PACSIN1: variants seen among roughly 807,000 people sequenced by gnomAD.
PACSIN1 encodes the protein protein kinase C and casein kinase substrate in neurons 1.
A neutral mutation model predicts 59.5 loss-of-function variants in PACSIN1; 15 were observed. That is an observed-to-expected ratio of 0.25 (90% CI 0.17 to 0.39). The LOEUF (loss-of-function observed/expected upper bound fraction) is 0.39, where lower values mean the gene tolerates loss of function less well. PACSIN1 is among the 10% of genes least tolerant of loss of function. The pLI is 1.00. For synonymous variants in PACSIN1, 210 were observed against 220.6 expected (o/e 0.95, Z 0.42); for missense variants, 420 against 580.2 (o/e 0.72, Z 2.84).
In PACSIN1 at chr6:34,514,171, C is replaced by G. The variant is rs958250301; in HGVS notation, c.-63-12072C>G. 2.6e-5 allele frequency among the ~76,000 whole-genome samples: 4 copies of G among 152,074 alleles called. No homozygotes were observed. Among genetic ancestry groups the G allele is most frequent in the African/African-American group, 9.7e-5 (4 of 41,396 alleles). On this transcript the variant is annotated intron_variant, in intron 1 of 9. Coordinates refer to ENST00000244458, the MANE Select transcript of PACSIN1 (RefSeq NM_020804.5). This position sits in a 1 kb window ranked among gnomAD's most constrained non-coding sequence, Gnocchi z 4.4. ...TATCTGTAAGTGTGTTGTTGGGGTGCACATGTCCTGGACACACGAGTGCTT... is the reference window on the plus strand; with the variant it reads ...TATCTGTAAGTGTGTTGTTGGGGTGGACATGTCCTGGACACACGAGTGCTT...
intron 1 of PACSIN1, among the ~76,000 whole-genome samples, chr6:34,484,351 A>T (rs532332126): frequency 1.3e-4 from 20 of 152,222 alleles, no homozygotes; most frequent in Non-Finnish European, 1.5e-5. Context: ...CCAATATGAA[A>T]AGGCCTCACA....
At chr6:34,512,401 C>T (rs1171711812) in intron 1 of PACSIN1, among the ~76,000 whole-genome samples, 1 of 152,038 alleles carries the variant, frequency 6.6e-6, no homozygotes, top group Admixed American at 6.5e-5. Flanking sequence ...GGATGGAGCC[C>T]GGCTCTTTAA....
chr6:34,485,155 C>A lies in PACSIN1; in HGVS notation c.-64+18885C>A, dbSNP rs531253456. 9.9e-5 allele frequency: 15 copies of A among 152,100 alleles called. No homozygotes were observed. In the East Asian group the frequency reaches 2.7e-3, roughly 27 times the overall value. The allele number at this position is 152,100 out of a possible 1,614,324, so 9.4% of individuals were successfully genotyped here. A position where few individuals can be genotyped will look rare whatever the true frequency, so the allele number is the denominator to read the frequency against. ...CCTGTTCTCAGATTGGTGAGTCACT[C>A]GCTGGAGGGTTTCAGCAGGTGTGTG... On this transcript the variant is annotated intron_variant, in intron 1 of 9. Transcript: ENST00000244458.
chr6:34,478,779 C>T (rs1035080004), intron 1 of PACSIN1, among the ~76,000 whole-genome samples: 7 of 152,120 alleles, frequency 4.6e-5, no homozygotes. Context: ...ATAGGTTGTA[C>T]ATTTGTCTTA....
intron 1 of PACSIN1, among the ~76,000 whole-genome samples, chr6:34,483,538 C>G (rs1273255138): frequency 6.6e-6 from 1 of 151,690 alleles, no homozygotes; most frequent in Non-Finnish European, 1.5e-5. Flanking sequence ...CCCAGCTGGG[C>G]ACATGAGCTC....
At chr6:34,485,990 C>T (rs1024010123) in intron 1 of PACSIN1, among the ~76,000 whole-genome samples, 2 of 152,108 alleles carry the variant, frequency 1.3e-5, no homozygotes, top group African/African-American at 2.4e-5. Context: ...GCAACGTGGG[C>T]GGCACTGGGT....
chr6:34,520,030 G>A (rs1767360622), intron 1 of PACSIN1, among the ~76,000 whole-genome samples: 1 of 152,144 alleles, frequency 6.6e-6, no homozygotes, highest in African/African-American at 2.4e-5. Context: ...ACTTCTTGGA[G>A]GGACAGGGAC....
In PACSIN1 at chr6:34,529,299, C is replaced by T; in HGVS notation, c.457-98C>T. 2 of 1,327,898 alleles carry T rather than the reference C, an allele frequency of 1.5e-6. No individual in the cohort carries two copies. Among genetic ancestry groups the T allele is most frequent in the Admixed American group, 2.0e-5 (1 of 49,614 alleles). 82.3% of individuals were successfully genotyped at this position (1,327,898 alleles called of 1,614,324 possible). ...TCTGGCTCTTAAGAGTGTGGGCTCA[C>T]AGGTCCCAGGGAGTGGGCAGGGGAG... On this transcript the variant is annotated intron_variant, in intron 4 of 9. Coordinates refer to ENST00000244458, the MANE Select transcript of PACSIN1 (RefSeq NM_020804.5). This position sits in a 1 kb window ranked among gnomAD's most constrained non-coding sequence, Gnocchi z 6.3.
In PACSIN1 at chr6:34,477,961, C is replaced by T. The variant is rs534892100; in HGVS notation, c.-64+11691C>T. Among the ~76,000 whole-genome samples the T allele has an allele frequency of 4.7e-5, 7 of 150,290 alleles. No individual in the cohort carries two copies. The East Asian group carries it at 9.8e-4, about 21-fold the overall frequency. On this transcript the variant is annotated intron_variant, in intron 1 of 9. Transcript: ENST00000244458. ...AGAGACAGGGTCTTCCCATGTTGCC[C>T]GGGCTGGTCTTCAACTCCTGGGCTC...
rs867911000 is a variant in PACSIN1 at position 34,515,868 on chromosome 6, G to A, written c.-63-10375G>A. Among the ~76,000 whole-genome samples the A allele has an allele frequency of 6.6e-6, 1 of 152,136 alleles. No homozygotes were observed. Among genetic ancestry groups the A allele is most frequent in the African/African-American group, 2.4e-5 (1 of 41,420 alleles). The stretch of plus-strand genomic sequence containing the variant: ...GGAGCTCTTGGGCACTGCCACTGCG[G>A]AGGAGCCTCTGCCAGCTGCTCAGGA... On this transcript the variant is annotated intron_variant, in intron 1 of 9. Transcript: ENST00000244458. This position sits in a 1 kb window ranked among gnomAD's most constrained non-coding sequence, Gnocchi z 4.4.
chr6:34,480,420 C>T (rs572653969), intron 1 of PACSIN1, among the ~76,000 whole-genome samples: 10 of 150,878 alleles, frequency 6.6e-5, no homozygotes, highest in African/African-American at 2.4e-4. Context: ...AGATGGGGCG[C>T]TCCCTATTTT....
chr6:34,479,625 A>G (rs1469936961), intron 1 of PACSIN1, among the ~76,000 whole-genome samples: 5 of 151,290 alleles, frequency 3.3e-5, no homozygotes, highest in Non-Finnish European at 7.4e-5. Context: ...TTTTTATTTT[A>G]TTTTATTTTT....
At chr6:34,527,653 C>A in intron 3 of PACSIN1, 165 bp downstream of exon 3, 1 of 445,284 alleles carries the variant, frequency 2.2e-6, no homozygotes, top group Non-Finnish European at 3.8e-6. Context: ...CCTACCTGTT[C>A]ATCTCTATTT....
In PACSIN1 at chr6:34,529,893, T is replaced by G; in HGVS notation, c.788+52T>G. 5 of 1,570,762 alleles carry G rather than the reference T, an allele frequency of 3.2e-6. No individual in the cohort carries two copies. Among genetic ancestry groups the G allele is most frequent in the Non-Finnish European group, 4.3e-6 (5 of 1,152,260 alleles). On this transcript the variant is annotated intron_variant, in intron 6 of 9. Coordinates refer to ENST00000244458, the MANE Select transcript of PACSIN1 (RefSeq NM_020804.5). This position sits in a 1 kb window ranked among gnomAD's most constrained non-coding sequence, Gnocchi z 6.3. The stretch of plus-strand genomic sequence containing the variant: ...GCACAGGCACAGCCAGCAGATGGTG[T>G]GACTGGCATGCAGGGCATCCCAGCC...
chr6:34,492,195 C>CTTTTTTT (rs55745060), intron 1 of PACSIN1, among the ~76,000 whole-genome samples: 2 of 80,182 alleles, frequency 2.5e-5, no homozygotes, highest in African/African-American at 4.7e-5. Flanking sequence ...CTTTTTTGAC[C>CTTTTTTT]TTTTTTTTTT....
chr6:34,499,564 C>T (rs1002120320), intron 1 of PACSIN1, among the ~76,000 whole-genome samples: 17 of 151,972 alleles, frequency 1.1e-4, no homozygotes, highest in African/African-American at 3.4e-4. Context: ...GAGGCTGAGG[C>T]GGAAAGATCA....
In PACSIN1 at chr6:34,466,232, C is replaced by G. The variant is rs1254946052; in HGVS notation, c.-102C>G. 2.0e-5 allele frequency: 3 copies of G among 152,216 alleles called. No homozygotes were observed. The highest frequency in any genetic ancestry group is 4.4e-5 in the Non-Finnish European group (3 of 68,120). The allele number at this position is 152,216 out of a possible 1,614,324, so 9.4% of individuals were successfully genotyped here. A position where few individuals can be genotyped will look rare whatever the true frequency, so the allele number is the denominator to read the frequency against. ...GGGCCCCAGACGTCCCGCTTCGCCC[C>G]GAGTCGCCGCCGATGGTCCCCGGAG... On this transcript the variant is annotated 5_prime_UTR_variant, in exon 1 of 10. Transcript: ENST00000244458.
intron 1 of PACSIN1, among the ~76,000 whole-genome samples, chr6:34,519,497 C>T (rs147874755): frequency 6.6e-6 from 1 of 152,190 alleles, no homozygotes; most frequent in Non-Finnish European, 1.5e-5. Flanking sequence ...GACCTGGAGA[C>T]CTGAAGGTCC....
intron 1 of PACSIN1, among the ~76,000 whole-genome samples, chr6:34,508,536 G>C (rs541323970): frequency 1.3e-5 from 2 of 152,208 alleles, no homozygotes; most frequent in East Asian, 3.9e-4. Context: ...CAAAGTGCTG[G>C]GATTAGAGGC....
Sources: gnomAD v4.1 joint callset for allele counts (sites outside exome capture counted in the v4.1 genomes callset) on GRCh38, gnomAD v4.1.1 for gene constraint, Gnocchi (gnomAD v3.1) non-coding constraint, MANE v1.5 for transcripts, NCBI Gene and HGNC (gene_info 2026-07-23, HGNC 2026-07-21) for gene names.